Variants in ITFG1 observed in about 807,000 individuals in gnomAD.
ITFG1 encodes T-cell immunomodulatory protein.
ITFG1 carries 34 observed loss-of-function variants against 81.8 expected under a neutral mutation model. The ratio of observed to expected loss-of-function variants is 0.42; its 90% CI spans 0.32 to 0.55. The LOEUF (loss-of-function observed/expected upper bound fraction) is 0.55, where lower values mean the gene tolerates loss of function less well. Ranked by LOEUF, ITFG1 falls within the 20% of genes least tolerant of loss-of-function variation. ITFG1 has a pLI of 0.17. For synonymous variants in ITFG1, 285 were observed against 270.6 expected, an observed-to-expected ratio of 1.05 and a Z score of -0.52; for missense variants, 672 against 755.4, an observed-to-expected ratio of 0.89 and a Z score of 1.29.
intron 14 of ITFG1, among the ~76,000 whole-genome samples, chr16:47,177,530 AAAC>A (rs1965044899): frequency 6.6e-6 from 1 of 152,236 alleles, no homozygotes; most frequent in Non-Finnish European, 1.5e-5. Context: ...TCCATGTATC[AAAC>A]AACTGACATG....
At chr16:47,327,096 A>C (rs992399337) in intron 8 of ITFG1, among the ~76,000 whole-genome samples, 1 of 152,222 alleles carries the variant, frequency 6.6e-6, no homozygotes, top group African/African-American at 2.4e-5. Context: ...TACAGTAACC[A>C]AAACAGCATG....
At chr16:47,442,211 C>A (rs926094583) in intron 5 of ITFG1, among the ~76,000 whole-genome samples, 3 of 152,144 alleles carry the variant, frequency 2.0e-5, no homozygotes, top group East Asian at 1.9e-4. Context: ...ACATTCCATG[C>A]GCATGGGTAG....
intron 8 of ITFG1, among the ~76,000 whole-genome samples, chr16:47,334,083 T>G (rs1456954251): frequency 2.0e-5 from 3 of 152,252 alleles, no homozygotes; most frequent in Non-Finnish European, 4.4e-5. Context: ...ATTTTATTAA[T>G]CATTGATTTT....
intron 5 of ITFG1, among the ~76,000 whole-genome samples, chr16:47,440,933 C>A (rs1258586415): frequency 6.6e-6 from 1 of 152,072 alleles, no homozygotes; most frequent in African/African-American, 2.4e-5. Flanking sequence ...AACTGATAGA[C>A]CGCTAGCAAG....
At chr16:47,187,502 G>C (rs1445157252) in intron 14 of ITFG1, among the ~76,000 whole-genome samples, 1 of 152,124 alleles carries the variant, frequency 6.6e-6, no homozygotes, top group Admixed American at 6.5e-5. Flanking sequence ...AGAAAAACAA[G>C]CAATGGGGAA....
intron 6 of ITFG1, among the ~76,000 whole-genome samples, chr16:47,422,623 G>A (rs1968965798): frequency 6.6e-6 from 1 of 152,108 alleles, no homozygotes; most frequent in African/African-American, 2.4e-5. Flanking sequence ...TCTAGTCCTG[G>A]ACTTTCTTTG....
At chr16:47,376,135 G>A (rs1259678356) in intron 6 of ITFG1, among the ~76,000 whole-genome samples, 195 bp from the exon 7 acceptor site, 8 of 150,640 alleles carry the variant, frequency 5.3e-5, no homozygotes, top group African/African-American at 1.2e-4. Flanking sequence ...TGTATTTAAC[G>A]AGGATATTTG....
At chr16:47,342,379 A>C (rs1219484959) in intron 8 of ITFG1, among the ~76,000 whole-genome samples, 1 of 152,208 alleles carries the variant, frequency 6.6e-6, no homozygotes, top group Non-Finnish European at 1.5e-5. Flanking sequence ...ACATGAATTT[A>C]TAAAGAACCC....
At chr16:47,333,003 C>T (rs891599158) in intron 8 of ITFG1, among the ~76,000 whole-genome samples, 5 of 151,906 alleles carry the variant, frequency 3.3e-5, no homozygotes, top group South Asian at 2.1e-4. Context: ...AATTAATCAC[C>T]GAAAGGGAGA....
At chr16:47,372,166 A>T (rs750649655) in intron 7 of ITFG1, among the ~76,000 whole-genome samples, 1 of 151,972 alleles carries the variant, frequency 6.6e-6, no homozygotes, top group Non-Finnish European at 1.5e-5. Context: ...CCTCCACGAC[A>T]CTTACCTACT....
intron 14 of ITFG1, among the ~76,000 whole-genome samples, chr16:47,208,632 T>C (rs1156802541): frequency 6.6e-6 from 1 of 152,212 alleles, no homozygotes; most frequent in Non-Finnish European, 1.5e-5. Flanking sequence ...ATAAGAAGTT[T>C]TGGTGGTAAT....
chr16:47,374,099 C>T (rs1272358605), intron 7 of ITFG1, among the ~76,000 whole-genome samples: 1 of 152,172 alleles, frequency 6.6e-6, no homozygotes, highest in East Asian at 1.9e-4. Flanking sequence ...CACTGACCCC[C>T]ATCCTGCTCA....
chr16:47,352,451 T>A (rs1170345960), intron 8 of ITFG1, among the ~76,000 whole-genome samples: 3 of 152,040 alleles, frequency 2.0e-5, no homozygotes, highest in Non-Finnish European at 4.4e-5. Context: ...AAAAAACACA[T>A]GAAAAAATGC....
rs1023323323 is a variant in ITFG1 at position 47,381,484 on chromosome 16, G to C, written c.656-5544C>G. 2.0e-5 allele frequency among the ~76,000 whole-genome samples: 3 copies of C among 152,116 alleles called. No homozygotes were observed. In the South Asian group the frequency reaches 6.2e-4, roughly 31 times the overall value. On this transcript the variant is annotated intron_variant, in intron 6 of 17. Coordinates refer to ENST00000320640, the MANE Select transcript of ITFG1 (RefSeq NM_030790.5). ...TTATGGGTTATTTTAGAAAAACATA[G>C]TTAATAAAACATTCGTAGTATTTTC... is the stretch of plus-strand genomic sequence containing the variant.
chr16:47,401,866 G>T (rs948678639), intron 6 of ITFG1, among the ~76,000 whole-genome samples: 21 of 151,392 alleles, frequency 1.4e-4, no homozygotes, highest in African/African-American at 4.8e-4. Flanking sequence ...GGTTCCTTTG[G>T]TTTTTTTTCA....
chr16:47,368,298 T>C (rs1359022349), intron 7 of ITFG1, among the ~76,000 whole-genome samples: 2 of 142,734 alleles, frequency 1.4e-5, no homozygotes, highest in Non-Finnish European at 3.0e-5. Context: ...ACACTTGCAA[T>C]CCCAGCACTT....
intron 13 of ITFG1, among the ~76,000 whole-genome samples, chr16:47,222,413 CTTTTTTTTTT>C (rs1043034196): frequency 3.8e-5 from 5 of 130,920 alleles, no homozygotes; most frequent in African/African-American, 1.4e-4. Flanking sequence ...GAGTTTCTTT[CTTTTTTTTTT>C]TTTTTTTTGA....
At chr16:47,367,022 C>T (rs1214937813) in intron 7 of ITFG1, among the ~76,000 whole-genome samples, 1 of 152,208 alleles carries the variant, frequency 6.6e-6, no homozygotes, top group Non-Finnish European at 1.5e-5. Flanking sequence ...AAGTTTGGAC[C>T]TCCAGTATTT....
chr16:47,228,423 G>A (rs1045601298), intron 13 of ITFG1, among the ~76,000 whole-genome samples: 19 of 152,126 alleles, frequency 1.2e-4, no homozygotes, highest in African/African-American at 3.6e-4. Context: ...CCAGTGGCGC[G>A]ATCACAGCTC....
Sources: gnomAD v4.1 joint callset for allele counts (sites outside exome capture counted in the v4.1 genomes callset) on GRCh38, gnomAD v4.1.1 for gene constraint, MANE v1.5 for transcripts, NCBI Gene and HGNC (gene_info 2026-07-23, HGNC 2026-07-21) for gene names.